PPP2R2B: variants seen among roughly 807,000 people sequenced by gnomAD.
The protein encoded by PPP2R2B is serine/threonine-protein phosphatase 2A 55 kDa regulatory subunit B beta isoform.
A neutral mutation model predicts 46.0 loss-of-function variants in PPP2R2B; 5 were observed. The observed-to-expected ratio is 0.11, with a 90% CI of 0.06 to 0.23. The LOEUF (loss-of-function observed/expected upper bound fraction) is 0.23, where lower values mean the gene tolerates loss of function less well. Ranked by LOEUF, PPP2R2B falls within the 10% of genes least tolerant of loss-of-function variation. The pLI is 1.00. For synonymous variants in PPP2R2B, 215 were observed against 206.7 expected (o/e 1.04, Z -0.34); for missense variants, 367 against 575.0 (o/e 0.64, Z 3.70).
chr5:146,812,811 A>ATG (rs1757691525), intron 2 of PPP2R2B, among the ~76,000 whole-genome samples: 4 of 67,390 alleles, frequency 5.9e-5, no homozygotes, highest in African/African-American at 6.0e-5. Context: ...ATATATATAT[A>ATG]TATATATATA....
intron 2 of PPP2R2B, chr5:146,707,000 T>C: frequency 2.0e-6 from 2 of 983,026 alleles, no homozygotes; most frequent in Admixed American, 1.7e-5. Context: ...ACCTCGTTAA[T>C]GTAAGCTTCA....
chr5:146,802,718 A>G (rs1408287001), intron 2 of PPP2R2B, among the ~76,000 whole-genome samples: 5 of 152,168 alleles, frequency 3.3e-5, no homozygotes, highest in Non-Finnish European at 7.3e-5. Context: ...GTTTTTCCTC[A>G]GCTTGGACAC....
At chr5:146,752,466 T>C (rs1753615351) in intron 2 of PPP2R2B, among the ~76,000 whole-genome samples, 1 of 152,228 alleles carries the variant, frequency 6.6e-6, no homozygotes. Flanking sequence ...AATTATCTTA[T>C]TCATTTTATT....
At chr5:146,767,353 T>A (rs1234507649) in intron 2 of PPP2R2B, among the ~76,000 whole-genome samples, 1 of 152,080 alleles carries the variant, frequency 6.6e-6, no homozygotes, top group Non-Finnish European at 1.5e-5. Context: ...CAGTCCATGG[T>A]CAGAAATGCT....
At chr5:146,590,307 C>T in intron 9 of PPP2R2B, 81 bp from the exon 10 acceptor site, 2 of 1,421,000 alleles carry the variant, frequency 1.4e-6, no homozygotes, top group South Asian at 2.7e-5. Flanking sequence ...TTATGGCCAG[C>T]TTATGACACC....
chr5:146,958,058 A>AT (rs375305542), intron 1 of PPP2R2B, among the ~76,000 whole-genome samples: 2,216 of 147,930 alleles, frequency 0.015, 28 homozygotes, highest in Non-Finnish European at 0.024. Context: ...TCAAACATCT[A>AT]TTTTTTTTTT....
At chr5:146,709,242 A>G (rs981212800) in intron 2 of PPP2R2B, among the ~76,000 whole-genome samples, 1 of 152,256 alleles carries the variant, frequency 6.6e-6, no homozygotes, top group African/African-American at 2.4e-5. Flanking sequence ...AGCTCTTATC[A>G]CAATGGCTGT....
chr5:146,895,371 A>C (rs1762613396), intron 1 of PPP2R2B, among the ~76,000 whole-genome samples: 2 of 152,206 alleles, frequency 1.3e-5, no homozygotes, highest in South Asian at 4.1e-4. Context: ...CTCTACATCT[A>C]TGTCTATGAA....
At chr5:146,900,599 CTTCTTTTCT>C (rs1184344701) in intron 1 of PPP2R2B, among the ~76,000 whole-genome samples, 1 of 127,304 alleles carries the variant, frequency 7.9e-6, no homozygotes, top group Non-Finnish European at 1.7e-5. Flanking sequence ...TCCTTCTTTC[CTTCTTTTCT>C]TTCTTTTCTT....
intron 2 of PPP2R2B, among the ~76,000 whole-genome samples, chr5:146,740,698 TA>T (rs1752821318): frequency 6.6e-6 from 1 of 152,002 alleles, no homozygotes; most frequent in Non-Finnish European, 1.5e-5. Context: ...TGATGATTTT[TA>T]CTCACACTGT....
intron 7 of PPP2R2B, among the ~76,000 whole-genome samples, chr5:146,603,443 C>T (rs532202540): frequency 3.3e-5 from 5 of 152,306 alleles, no homozygotes; most frequent in Admixed American, 6.5e-5. Flanking sequence ...AGTGCAGCAA[C>T]ACTGTAAAGC....
chr5:146,755,362 TA>T (rs1232794216), intron 2 of PPP2R2B, among the ~76,000 whole-genome samples: 9 of 152,220 alleles, frequency 5.9e-5, no homozygotes, highest in African/African-American at 2.2e-4. Flanking sequence ...CACCTTCAAG[TA>T]AAAGGGTTGC....
chr5:146,834,136 C>T (rs1212080928), intron 2 of PPP2R2B, among the ~76,000 whole-genome samples: 9 of 152,152 alleles, frequency 5.9e-5, no homozygotes, highest in Admixed American at 5.9e-4. Flanking sequence ...TGATAAATTA[C>T]TTATCTTTTA....
At chr5:146,706,680 C>T (rs751516732) in intron 2 of PPP2R2B, 1 of 873,380 alleles carries the variant, frequency 1.1e-6, no homozygotes, top group Non-Finnish European at 1.9e-6. Context: ...AGCCTGGAGC[C>T]AGCTGATGTT....
chr5:146,993,101 C>A (rs929328245), intron 1 of PPP2R2B, among the ~76,000 whole-genome samples: 2 of 151,844 alleles, frequency 1.3e-5, no homozygotes, highest in Non-Finnish European at 2.9e-5. Flanking sequence ...CACCACCATG[C>A]CCAGCTAATT....
Position 146,582,578 on chromosome 5 carries a change from C to T in PPP2R2B, c.*7369G>A, listed in dbSNP as rs926562678. 1 of 152,250 alleles carries T rather than the reference C, an allele frequency of 6.6e-6. No individual in the cohort carries two copies. The highest frequency in any genetic ancestry group is 1.5e-5 in the Non-Finnish European group (1 of 68,056). The allele number at this position is 152,250 out of a possible 1,614,324, so 9.4% of individuals were successfully genotyped here. ...CAGTCCTCTGATGCCCTGTTTGGAT[C>T]TCCATATATCATTCAAACTCCCAAT... On this transcript the variant is annotated 3_prime_UTR_variant, in exon 10 of 10. Transcript: ENST00000394411.
At position 147,081,078 on chromosome 5, in the gene PPP2R2B, G is replaced by A. The variant is rs1442429822; in HGVS notation, c.31C>T (p.Arg11Ter). Residue 11 changes from arginine to a stop codon, truncating the protein, a stop_gained, in exon 2 of 11, where the codon CGA becomes TGA. Transcript: ENST00000394413. LOFTEE classifies it high-confidence loss of function. ...TCCTACCTTCTGTGGTTCCAATCTCGATAGTGCCTTTCACTTGGCTGAAGC... is the reference window on the plus strand; with the variant it reads ...TCCTACCTTCTGTGGTTCCAATCTCAATAGTGCCTTTCACTTGGCTGAAGC... 3 of 1,535,514 alleles carry A rather than the reference G, an allele frequency of 2.0e-6. No individual in the cohort carries two copies. The highest frequency in any genetic ancestry group is 2.4e-5 in the East Asian group (1 of 40,912).
intron 2 of PPP2R2B, among the ~76,000 whole-genome samples, chr5:146,762,107 T>C (rs1754201368): frequency 6.6e-6 from 1 of 152,210 alleles, no homozygotes; most frequent in Non-Finnish European, 1.5e-5. Flanking sequence ...CATAATGGAA[T>C]GATATGATTT....
intron 2 of PPP2R2B, among the ~76,000 whole-genome samples, chr5:146,719,021 C>T (rs917263508): frequency 6.6e-6 from 1 of 152,190 alleles, no homozygotes; most frequent in Non-Finnish European, 1.5e-5. Context: ...AATCCCAAGA[C>T]GAAAATGAGA....
Sources: gnomAD v4.1 joint callset for allele counts (sites outside exome capture counted in the v4.1 genomes callset) on GRCh38, gnomAD v4.1.1 for gene constraint, MANE v1.5 for transcripts, NCBI Gene and HGNC (gene_info 2026-07-23, HGNC 2026-07-21) for gene names.